Variants in EEFSEC observed in about 807,000 individuals in gnomAD.
EEFSEC encodes the protein selenocysteine-specific elongation factor.
A neutral mutation model predicts 42.1 loss-of-function variants in EEFSEC; 43 were observed. The observed-to-expected ratio is 1.02, with a 90% CI of 0.80 to 1.32. The LOEUF is 1.32. Among genes scored for constraint, EEFSEC ranks in the 40% most tolerant of loss-of-function variants. EEFSEC has a pLI of 0.00. For missense variants in EEFSEC, 745 were observed against 803.6 expected, an observed-to-expected ratio of 0.93 and a Z score of 0.88; for synonymous variants, 354 against 339.1, an observed-to-expected ratio of 1.04 and a Z score of -0.48.
rs563058669 is a variant in EEFSEC, at chr3:128,376,232, C to T, written c.1600+17859C>T. Reference sequence around the variant, plus strand: ...TGCTCCTCTTGGCACCAAGGATGCACCCTTTTGCAACCCTGCATCCCCAAG... The same window carrying T: ...TGCTCCTCTTGGCACCAAGGATGCATCCTTTTGCAACCCTGCATCCCCAAG... On this transcript the variant is annotated intron_variant, in intron 6 of 6. Transcript: ENST00000254730. Among the ~76,000 whole-genome samples the T allele has an allele frequency of 8.9e-4, 136 of 152,212 alleles. 1 individual carries two copies. Among genetic ancestry groups the T allele is most frequent in the Middle Eastern group, 6.8e-3 (2 of 292 alleles).
intron 1 of EEFSEC, among the ~76,000 whole-genome samples, chr3:128,199,994 A>C (rs1166650935): frequency 6.6e-6 from 1 of 152,170 alleles, no homozygotes. Context: ...TCGGCCTCCC[A>C]AAGTGCTGGG....
At chr3:128,311,855 T>C (rs576684903) in intron 4 of EEFSEC, among the ~76,000 whole-genome samples, 22 of 152,304 alleles carry the variant, frequency 1.4e-4, no homozygotes, top group African/African-American at 5.1e-4. Context: ...ACGTCCCACC[T>C]CTTCCTGGGA....
chr3:128,235,941 GGTTTGTTTGTTTGTTTGTTT>G (rs66797888), intron 1 of EEFSEC, among the ~76,000 whole-genome samples: 20 of 149,192 alleles, frequency 1.3e-4, no homozygotes, highest in African/African-American at 4.7e-4. Context: ...GATGGGCAAA[GGTTTGTTTGTTTGTTTGTTT>G]GTTTGTTTGT....
At chr3:128,205,742 C>T (rs1056893935) in intron 1 of EEFSEC, among the ~76,000 whole-genome samples, 4 of 152,218 alleles carry the variant, frequency 2.6e-5, no homozygotes, top group African/African-American at 4.8e-5. Context: ...CTTGAATCCT[C>T]ATCCCACAGA....
intron 6 of EEFSEC, among the ~76,000 whole-genome samples, chr3:128,380,875 A>G (rs527430102): frequency 5.9e-4 from 90 of 152,284 alleles, no homozygotes; most frequent in East Asian, 1.9e-3. Context: ...GGGGGCCCCA[A>G]TGGTGCCGGC....
At chr3:128,420,271 C>T in the EEFSEC span, among the ~76,000 whole-genome samples, 5 of 152,218 alleles carry the variant, frequency 3.3e-5, no homozygotes, top group African/African-American at 7.2e-5. Flanking sequence ...CCTCGGATGA[C>T]GAGGATCATT....
chr3:128,398,298 C>T (rs540170590), intron 6 of EEFSEC, among the ~76,000 whole-genome samples: 5 of 152,016 alleles, frequency 3.3e-5, no homozygotes, highest in Admixed American at 3.3e-4. Context: ...GAGACAGAAG[C>T]GGGCAAGATA....
intron 5 of EEFSEC, among the ~76,000 whole-genome samples, chr3:128,355,193 C>T (rs76976110): frequency 0.019 from 2,883 of 152,254 alleles, 100 homozygotes; most frequent in African/African-American, 0.064. Flanking sequence ...ACCCTTTCCT[C>T]GCAGAACTCC....
chr3:128,361,071 G>A (rs924882015), intron 6 of EEFSEC, among the ~76,000 whole-genome samples: 1 of 152,206 alleles, frequency 6.6e-6, no homozygotes, highest in African/African-American at 2.4e-5. Flanking sequence ...GGGTTTTGGT[G>A]CCATGAGAGG....
chr3:128,196,948 C>T (rs902831422), intron 1 of EEFSEC, among the ~76,000 whole-genome samples: 4 of 152,196 alleles, frequency 2.6e-5, no homozygotes, highest in Non-Finnish European at 4.4e-5. Flanking sequence ...AGTTTGGATG[C>T]TCGCAGTATG....
chr3:128,266,529 G>A (rs2066355628), intron 4 of EEFSEC, among the ~76,000 whole-genome samples: 1 of 151,898 alleles, frequency 6.6e-6, no homozygotes, highest in Non-Finnish European at 1.5e-5. Flanking sequence ...CAGGGGCCAG[G>A]GGTATTAGGG....
At chr3:128,156,853 C>T (rs546411568) in intron 1 of EEFSEC, among the ~76,000 whole-genome samples, 31 of 152,272 alleles carry the variant, frequency 2.0e-4, no homozygotes, top group African/African-American at 7.5e-4. Flanking sequence ...AAAATTCATC[C>T]AGCTAATAGC....
At chr3:128,311,816 T>C (rs1297547927) in intron 4 of EEFSEC, among the ~76,000 whole-genome samples, 1 of 152,138 alleles carries the variant, frequency 6.6e-6, no homozygotes, top group Non-Finnish European at 1.5e-5. Flanking sequence ...TTTGAAACAC[T>C]CTTAGAAATA....
chr3:128,182,497 C>A (rs958260510), intron 1 of EEFSEC, among the ~76,000 whole-genome samples: 4 of 152,170 alleles, frequency 2.6e-5, no homozygotes, highest in Non-Finnish European at 5.9e-5. Context: ...CCCGCACTGC[C>A]AACACACATC....
chr3:128,261,416 G>T (rs1346087245), intron 2 of EEFSEC, among the ~76,000 whole-genome samples: 1 of 152,062 alleles, frequency 6.6e-6, no homozygotes, highest in Non-Finnish European at 1.5e-5. Context: ...AAATAAATTA[G>T]CAGGATATGA....
chr3:128,359,260 G>C (rs1411326036), intron 6 of EEFSEC, among the ~76,000 whole-genome samples: 2 of 152,192 alleles, frequency 1.3e-5, no homozygotes, highest in Non-Finnish European at 2.9e-5. Context: ...TGCATTTGCA[G>C]GTCAGTTGTT....
At chr3:128,369,250 A>G (rs1341161753) in intron 6 of EEFSEC, among the ~76,000 whole-genome samples, 2 of 152,220 alleles carry the variant, frequency 1.3e-5, no homozygotes, top group African/African-American at 2.4e-5. Flanking sequence ...CCTGGTGCCA[A>G]AGGGACAGGA....
chr3:128,174,522 A>C (rs933905857), intron 1 of EEFSEC, among the ~76,000 whole-genome samples: 45 of 152,284 alleles, frequency 3.0e-4, no homozygotes, highest in African/African-American at 1.0e-3. Context: ...TGCCTCAAAG[A>C]ACTTCCCAGA....
In EEFSEC at chr3:128,341,646, G is replaced by A; in HGVS notation, c.1200G>A (p.Gln400=). ...DNDEADKKAG[Q]ATEGHCPRQQ... is the part of the protein sequence containing the mutation. Reference sequence around the variant, plus strand: ...ATGAGGCCGACAAGAAGGCCGGCCAGGCCACAGAGGGCCATTGTCCTCGGC... The same window carrying A: ...ATGAGGCCGACAAGAAGGCCGGCCAAGCCACAGAGGGCCATTGTCCTCGGC... The change falls in exon 5 of 7, where the codon CAG becomes CAA. Residue 400 remains glutamine (Q), a synonymous_variant. Transcript: ENST00000254730. The A allele has an allele frequency of 1.2e-6, 2 of 1,614,096 alleles. No individual in the cohort carries two copies. Among genetic ancestry groups the A allele is most frequent in the Non-Finnish European group, 1.7e-6 (2 of 1,180,030 alleles).
Sources: gnomAD v4.1 joint callset for allele counts (sites outside exome capture counted in the v4.1 genomes callset) on GRCh38, gnomAD v4.1.1 for gene constraint, MANE v1.5 for transcripts, NCBI Gene and HGNC (gene_info 2026-07-23, HGNC 2026-07-21) for gene names.